The following PLCH1 variants were observed in gnomAD, a reference collection of about 807,000 sequenced individuals.
PLCH1 encodes phospholipase C eta 1.
A neutral mutation model predicts 126.7 loss-of-function variants in PLCH1; 60 were observed. The observed-to-expected ratio is 0.47, with a 90% CI of 0.38 to 0.59. PLCH1 has a LOEUF of 0.59. PLCH1 is among the 20% of genes least tolerant of loss of function. PLCH1 has a pLI of 0.00. For synonymous variants in PLCH1, 719 were observed against 734.9 expected, an observed-to-expected ratio of 0.98 and a Z score of 0.35; for missense variants, 1,723 against 2,040.0, an observed-to-expected ratio of 0.84 and a Z score of 2.99.
chr3:155,718,772 T>C (rs1292886606), intron 1 of PLCH1, among the ~76,000 whole-genome samples: 3 of 152,138 alleles, frequency 2.0e-5, no homozygotes, highest in Non-Finnish European at 2.9e-5. Flanking sequence ...AACTCTAACA[T>C]TGGGGATTAC....
rs533429059 is a variant in PLCH1 at position 155,560,931 on chromosome 3, C to T, written c.1069+3984G>A. Among the ~76,000 whole-genome samples, 3 of 152,264 alleles carry T rather than the reference C, an allele frequency of 2.0e-5. No homozygotes were observed. In the South Asian group the frequency reaches 6.2e-4, roughly 32 times the overall value. On this transcript the variant is annotated intron_variant, in intron 8 of 22. Coordinates refer to ENST00000460012, the MANE Select transcript of PLCH1 (RefSeq NM_014996.4). ...CAGCTTACCTTCGAGGGCACTACTTCCTTTCTCCAAGGATGCTCTTTTGTA... is the reference window on the plus strand; with the variant it reads ...CAGCTTACCTTCGAGGGCACTACTTTCTTTCTCCAAGGATGCTCTTTTGTA...
At chr3:155,556,349 C>T (rs1053969159) in intron 8 of PLCH1, among the ~76,000 whole-genome samples, 2 of 152,044 alleles carry the variant, frequency 1.3e-5, no homozygotes, top group Non-Finnish European at 2.9e-5. Flanking sequence ...AGTGAAACTC[C>T]GTCTCAAAAT....
chr3:155,609,151 T>A (rs1007575804), intron 2 of PLCH1, among the ~76,000 whole-genome samples: 15 of 152,166 alleles, frequency 9.9e-5, no homozygotes, highest in Non-Finnish European at 2.2e-4. Context: ...CTTCATTCCC[T>A]TGCCACCTCC....
intron 6 of PLCH1, among the ~76,000 whole-genome samples, chr3:155,576,829 A>C (rs1730023986): frequency 6.6e-6 from 1 of 152,234 alleles, no homozygotes; most frequent in Non-Finnish European, 1.5e-5. Flanking sequence ...ATTTTAAAGA[A>C]TGTTGAAATG....
intron 14 of PLCH1, 124 bp downstream of exon 14, chr3:155,500,579 T>C: frequency 1.5e-6 from 1 of 651,714 alleles, no homozygotes; most frequent in East Asian, 2.7e-5. Context: ...CTTCACATGT[T>C]CGACAGCACA....
chr3:155,506,074 T>C (rs941286958), intron 12 of PLCH1, among the ~76,000 whole-genome samples: 2 of 152,144 alleles, frequency 1.3e-5, no homozygotes, highest in African/African-American at 4.8e-5. Flanking sequence ...AATTGAGGTA[T>C]ATGGTCACCC....
chr3:155,524,771 C>T (rs899931454), intron 10 of PLCH1, among the ~76,000 whole-genome samples: 8 of 152,172 alleles, frequency 5.3e-5, no homozygotes, highest in African/African-American at 1.9e-4. Flanking sequence ...AATCCCAGCA[C>T]TTTGGGAGGC....
intron 12 of PLCH1, among the ~76,000 whole-genome samples, chr3:155,505,938 G>T (rs1718604332): frequency 6.7e-6 from 1 of 150,022 alleles, no homozygotes; most frequent in Non-Finnish European, 1.5e-5. Context: ...TAATCTGTGA[G>T]TTCCTCTCTA....
chr3:155,581,832 C>A (rs149679994), intron 6 of PLCH1, among the ~76,000 whole-genome samples: 1 of 151,342 alleles, frequency 6.6e-6, no homozygotes, highest in Non-Finnish European at 1.5e-5. Flanking sequence ...CCACAACCTC[C>A]GCCTCTTGGG....
At chr3:155,656,267 G>C (rs1220147141) in intron 2 of PLCH1, among the ~76,000 whole-genome samples, 1 of 151,806 alleles carries the variant, frequency 6.6e-6, no homozygotes, top group Non-Finnish European at 1.5e-5. Flanking sequence ...TCATCCTTAT[G>C]CTGCTTATAT....
In PLCH1 at chr3:155,481,195, G is replaced by T. The variant is rs148331765; in HGVS notation, c.4831C>A (p.Pro1611Thr). 1,568 of 1,614,224 alleles carry T rather than the reference G, an allele frequency of 9.7e-4. 10 individuals are homozygous for T. In the African/African-American group the frequency reaches 0.016, roughly 16 times the overall value. ...NGAGVVLRNK[P>T]SAPTPAVNRH... ...TTCACTGCAGGGGTGGGTGCTGAGG[G>T]TTTGTTTCTAAGAACCACTCCTGCC... Residue 1611 changes from proline to threonine, a missense_variant, in exon 23 of 23, where the codon CCC becomes ACC. This residue lies in a region of PLCH1 where 947 missense variants were observed against 977.1 expected (regional missense o/e 0.97). Transcript: ENST00000460012. This position sits in a 1 kb window ranked among gnomAD's most constrained non-coding sequence, Gnocchi z 4.2.
Position 155,482,806 on chromosome 3 carries a change from T to C in PLCH1, c.3220A>G (p.Lys1074Glu). 6.2e-7 allele frequency: 1 copy of C among 1,614,060 alleles called. No homozygotes were observed. The highest frequency in any genetic ancestry group is 8.5e-7 in the Non-Finnish European group (1 of 1,180,022). ...AAATGCTGCTTTGGGGAGAGAGACT[T>C]GCTGGGACAGGGGTTTTCCTGGCAA... ...SNCQENPCPS[K>E]SLSPKQHLAP... The change falls in exon 23 of 23, where the codon AAG (lysine) becomes GAG (glutamate). Residue 1074 changes from lysine to glutamate, a missense_variant. By Grantham distance (56) the Lys-to-Glu change is moderately conservative (BLOSUM62 1). Around this residue, in one of 2 missense-constraint regions of PLCH1, gnomAD observed 947 missense variants for 977.1 expected, o/e 0.97. Coordinates refer to ENST00000460012, the MANE Select transcript of PLCH1 (RefSeq NM_014996.4).
intron 6 of PLCH1, among the ~76,000 whole-genome samples, chr3:155,570,043 G>A (rs1728992884): frequency 6.6e-6 from 1 of 151,962 alleles, no homozygotes; most frequent in Non-Finnish European, 1.5e-5. Context: ...CACCGTAGAA[G>A]AATTAATGGG....
chr3:155,578,469 T>C (rs924225785), intron 6 of PLCH1, among the ~76,000 whole-genome samples: 1 of 152,236 alleles, frequency 6.6e-6, no homozygotes, highest in African/African-American at 2.4e-5. Flanking sequence ...TCTAATCACA[T>C]GGTTGGTTGC....
intron 1 of PLCH1, among the ~76,000 whole-genome samples, chr3:155,731,046 G>C (rs1748733585): frequency 6.6e-6 from 1 of 152,224 alleles, no homozygotes. Context: ...CTCCAGACCT[G>C]CCTGGTGGAC....
intron 1 of PLCH1, among the ~76,000 whole-genome samples, chr3:155,705,040 A>G (rs1746552702): frequency 6.6e-6 from 1 of 152,200 alleles, no homozygotes; most frequent in African/African-American, 2.4e-5. Flanking sequence ...GATTTGGCTA[A>G]AGCAACTTTT....
intron 2 of PLCH1, among the ~76,000 whole-genome samples, chr3:155,678,842 T>G (rs1656507815): frequency 6.6e-6 from 1 of 152,150 alleles, no homozygotes; most frequent in African/African-American, 2.4e-5. Context: ...CTTTCTCCAT[T>G]TTTAATCATT....
At chr3:155,543,387 G>A (rs1395700763) in intron 10 of PLCH1, among the ~76,000 whole-genome samples, 216 of 152,332 alleles carry the variant, frequency 1.4e-3, no homozygotes, top group African/African-American at 5.1e-3. Flanking sequence ...ATGGGACTAT[G>A]TGAAAAGACC....
In PLCH1 at chr3:155,735,266, T is replaced by C. The variant is rs145836654; in HGVS notation, c.-41+9574A>G. Reference sequence around the variant, plus strand: ...CAAAGGATACAAAATTTTGGTTAGATAGGGGGAAGAAGTTCAAGAGTCTAT... The same window carrying C: ...CAAAGGATACAAAATTTTGGTTAGACAGGGGGAAGAAGTTCAAGAGTCTAT... On this transcript the variant is annotated intron_variant, in intron 1 of 22. Coordinates refer to ENST00000460012, the MANE Select transcript of PLCH1 (RefSeq NM_014996.4). 1.0e-3 allele frequency among the ~76,000 whole-genome samples: 153 copies of C among 152,150 alleles called. 1 individual carries two copies. Among genetic ancestry groups the C allele is most frequent in the African/African-American group, 3.3e-3 (137 of 41,496 alleles).
Sources: gnomAD v4.1 joint callset for allele counts (sites outside exome capture counted in the v4.1 genomes callset) on GRCh38, gnomAD v4.1.1 for gene constraint, gnomAD v4.1.1 regional missense constraint, Gnocchi (gnomAD v3.1) non-coding constraint, MANE v1.5 for transcripts, NCBI Gene and HGNC (gene_info 2026-07-23, HGNC 2026-07-21) for gene names.